Variants in AZIN2 observed in about 807,000 individuals in gnomAD.
AZIN2 encodes the protein ODC antizyme inhibitor-2.
AZIN2 carries 28 observed loss-of-function variants against 47.8 expected under a neutral mutation model. That is an observed-to-expected ratio of 0.59 (90% CI 0.43 to 0.80). The LOEUF is 0.80. Among genes scored for constraint, AZIN2 ranks in the 30% least tolerant of loss-of-function variants. AZIN2 has a pLI of 0.00. For synonymous variants in AZIN2, 221 were observed against 239.4 expected (o/e 0.92, Z 0.71); for missense variants, 535 against 582.5 (o/e 0.92, Z 0.84).
chr1:33,161,211 C>G, the AZIN2 span, among the ~76,000 whole-genome samples: 1 of 152,196 alleles, frequency 6.6e-6, no homozygotes, highest in Non-Finnish European at 1.5e-5. The surrounding 1 kb of genome is among the most constrained non-coding windows in gnomAD (Gnocchi z 4.3). Flanking sequence ...AAGCGTTTCC[C>G]GGAAGTCTTC....
the AZIN2 span, among the ~76,000 whole-genome samples, chr1:33,166,783 A>G: frequency 5.9e-5 from 9 of 152,206 alleles, no homozygotes; most frequent in Admixed American, 3.3e-4. Flanking sequence ...AAATAAAAAC[A>G]CAATCAGCCT....
chr1:33,086,645 G>A (rs1310993048), intron 5 of AZIN2, among the ~76,000 whole-genome samples: 2 of 152,232 alleles, frequency 1.3e-5, no homozygotes, highest in South Asian at 2.1e-4. Context: ...ACAGACATGC[G>A]TTGGACGGGG....
chr1:33,108,835 A>G (rs537616053), intron 10 of AZIN2, among the ~76,000 whole-genome samples: 1 of 152,184 alleles, frequency 6.6e-6, no homozygotes, highest in Non-Finnish European at 1.5e-5. Context: ...ATAAACATCT[A>G]TGTGTAAGTT....
the AZIN2 span, among the ~76,000 whole-genome samples, chr1:33,138,626 C>CAAAAAAAAAAAAA: frequency 1.4e-4 from 9 of 66,076 alleles, no homozygotes; most frequent in East Asian, 3.4e-4. Context: ...ACAACAACAA[C>CAAAAAAAAAAAAA]AAAAAAAAAA....
chr1:33,109,967 T>C (rs558993385), intron 10 of AZIN2, among the ~76,000 whole-genome samples: 1 of 152,328 alleles, frequency 6.6e-6, no homozygotes, highest in African/African-American at 2.4e-5. Flanking sequence ...TGACCTTCAG[T>C]TTTGATATCT....
the AZIN2 span, among the ~76,000 whole-genome samples, chr1:33,155,587 C>A: frequency 6.6e-6 from 1 of 152,068 alleles, no homozygotes; most frequent in African/African-American, 2.4e-5. Flanking sequence ...CTCTGGGGCC[C>A]GACGTTGGGG....
intron 10 of AZIN2, among the ~76,000 whole-genome samples, chr1:33,116,830 G>GA (rs1398867568): frequency 6.6e-6 from 1 of 152,214 alleles, no homozygotes; most frequent in African/African-American, 2.4e-5. Flanking sequence ...TAGCATGGGG[G>GA]AAAGTAGGAG....
the AZIN2 span, among the ~76,000 whole-genome samples, chr1:33,157,094 C>T: frequency 1.3e-5 from 2 of 152,102 alleles, no homozygotes; most frequent in East Asian, 1.9e-4. Flanking sequence ...AACCAGTTCA[C>T]GTCACTTCAT....
chr1:33,094,260 A>T (rs1167296344), intron 7 of AZIN2, among the ~76,000 whole-genome samples: 1 of 152,164 alleles, frequency 6.6e-6, no homozygotes, highest in Admixed American at 6.5e-5. Context: ...CACCCTGCTG[A>T]CTGGGAGGCA....
At chr1:33,159,746 G>T in the AZIN2 span, 47 of 1,612,892 alleles carry the variant, frequency 2.9e-5, no homozygotes, top group Non-Finnish European at 4.0e-5. This position sits in a 1 kb window ranked among gnomAD's most constrained non-coding sequence, Gnocchi z 4.2. Flanking sequence ...TCAGCCAGCC[G>T]CTCCTGCAGG....
downstream of AZIN2, among the ~76,000 whole-genome samples, chr1:33,123,922 G>A (rs1306360349): frequency 6.6e-6 from 1 of 152,126 alleles, no homozygotes; most frequent in East Asian, 1.9e-4. Context: ...ACTTGAACTG[G>A]AAGGTGGAGG....
chr1:33,154,798 C>CA, the AZIN2 span, among the ~76,000 whole-genome samples: 1,574 of 102,762 alleles, frequency 0.015, 21 homozygotes, highest in African/African-American at 0.05. Context: ...ACTCCGTATC[C>CA]AAAAAAAAAA....
chr1:33,141,097 T>C, the AZIN2 span, among the ~76,000 whole-genome samples: 1 of 152,132 alleles, frequency 6.6e-6, no homozygotes, highest in African/African-American at 2.4e-5. Flanking sequence ...ATCAGCCATG[T>C]TGGGGCCCGT....
the AZIN2 span, among the ~76,000 whole-genome samples, chr1:33,135,413 G>A: frequency 6.6e-6 from 1 of 152,108 alleles, no homozygotes; most frequent in Non-Finnish European, 1.5e-5. Context: ...CAGACATGTG[G>A]CCCACCCCAG....
chr1:33,162,868 C>T, the AZIN2 span: 2 of 152,246 alleles, frequency 1.3e-5, no homozygotes, highest in African/African-American at 4.8e-5. Flanking sequence ...GCACTGGGCT[C>T]TGACAGGACT....
At chr1:33,101,834 C>A in intron 10 of AZIN2, 2 of 779,518 alleles carry the variant, frequency 2.6e-6, no homozygotes, top group Non-Finnish European at 4.8e-6. Flanking sequence ...ATATCACAGT[C>A]TAAGAACCAC....
intron 10 of AZIN2, among the ~76,000 whole-genome samples, chr1:33,099,449 C>T (rs1400727837): frequency 1.3e-5 from 2 of 152,214 alleles, no homozygotes; most frequent in African/African-American, 2.4e-5. Flanking sequence ...TTGTGGTAGC[C>T]CACATCCTAC....
intron 10 of AZIN2, among the ~76,000 whole-genome samples, chr1:33,106,875 G>A (rs1263503697): frequency 6.6e-6 from 1 of 152,188 alleles, no homozygotes; most frequent in Non-Finnish European, 1.5e-5. Flanking sequence ...CTTCTATTTA[G>A]TGTGGTACTA....
intron 10 of AZIN2, among the ~76,000 whole-genome samples, chr1:33,108,275 T>C (rs1644115159): frequency 6.6e-6 from 1 of 151,672 alleles, no homozygotes. Flanking sequence ...GATATCCACA[T>C]ATAGAAGAAT....
Sources: allele counts gnomAD v4.1 joint callset (sites outside exome capture counted in the v4.1 genomes callset), GRCh38; gene constraint gnomAD v4.1.1; non-coding constraint Gnocchi (gnomAD v3.1); transcripts MANE v1.5; gene names NCBI Gene and HGNC (gene_info 2026-07-23, HGNC 2026-07-21).